Variants in SMIM35 observed in about 807,000 individuals in gnomAD.
SMIM35 encodes the protein small integral membrane protein 35, also known as TMPRSS4 antisense RNA 1 (non-protein coding).
intron 1 of SMIM35, among the ~76,000 whole-genome samples, chr11:118,028,397 T>C (rs2058291465): frequency 6.6e-6 from 1 of 152,156 alleles, no homozygotes; most frequent in African/African-American, 2.4e-5. Context: ...GGGATATAAG[T>C]CCTATGATAT....
chr11:118,004,355 G>T lies in SMIM35; in HGVS notation c.*2055C>A, dbSNP rs2058111660. 2 of 152,290 alleles carry T rather than the reference G, an allele frequency of 1.3e-5. No individual in the cohort carries two copies. Among genetic ancestry groups the T allele is most frequent in the South Asian group, 4.1e-4 (2 of 4,830 alleles). 9.4% of individuals were successfully genotyped at this position (152,290 alleles called of 1,614,324 possible). A position where few individuals can be genotyped will look rare whatever the true frequency, so the allele number is the denominator to read the frequency against. On this transcript the variant is annotated 3_prime_UTR_variant, in exon 5 of 5. Coordinates refer to ENST00000689828, the MANE Select transcript of SMIM35 (RefSeq NM_001394165.1). ...ACAGAGAGAAAGGGACAGACTCAAA[G>T]ACATTTTAAAGGAAGCATTATCAAG...
At chr11:118,019,127 A>G (rs2058206169) in intron 1 of SMIM35, among the ~76,000 whole-genome samples, 1 of 152,192 alleles carries the variant, frequency 6.6e-6, no homozygotes, top group Non-Finnish European at 1.5e-5. Flanking sequence ...ATCTATGTAG[A>G]TATAGAGATA....
chr11:118,028,948 G>C (rs764239197), intron 1 of SMIM35: 13 of 393,498 alleles, frequency 3.3e-5, no homozygotes, highest in Non-Finnish European at 1.0e-5. Flanking sequence ...AGGAGGAGGA[G>C]GAGAAATTCG....
rs1055285151 is a variant in SMIM35 at position 118,013,748 on chromosome 11, C to T, written c.*33G>A. 1 of 399,104 alleles carries T rather than the reference C, an allele frequency of 2.5e-6. No individual in the cohort carries two copies. Among genetic ancestry groups the T allele is most frequent in the Non-Finnish European group, 4.4e-6 (1 of 226,118 alleles). The allele number at this position is 399,104 out of a possible 1,614,324, so 24.7% of individuals were successfully genotyped here. A position where few individuals can be genotyped will look rare whatever the true frequency, so the allele number is the denominator to read the frequency against. On this transcript the variant is annotated splice_region_variant and 3_prime_UTR_variant, in exon 4 of 5. Coordinates refer to ENST00000689828, the MANE Select transcript of SMIM35 (RefSeq NM_001394165.1). The stretch of plus-strand genomic sequence containing the variant: ...GGCAGCTCTCCCAACTCCAACTCAC[C>T]TCCCCAGGGCTTCACAAGTTGCTGT...
chr11:118,076,380 G>T (rs936070027), intron 1 of SMIM35, among the ~76,000 whole-genome samples: 2 of 152,184 alleles, frequency 1.3e-5, no homozygotes, highest in African/African-American at 4.8e-5. Flanking sequence ...CTAGGAGGCG[G>T]AGGTTGCAGT....
rs80180586 is a variant in SMIM35, at chr11:118,048,798, G to A, written c.8-32989C>T. On this transcript the variant is annotated intron_variant, in intron 1 of 4. Transcript: ENST00000689828. ...TAATAGCCAAACAGCAGGCCATCCC[G>A]GAAGAGATGGAGGTGCTTTCTAGAA... 8.0e-3 allele frequency among the ~76,000 whole-genome samples: 1,205 copies of A among 151,504 alleles called. 18 individuals carry two copies. Among genetic ancestry groups the A allele is most frequent in the African/African-American group, 0.027 (1,111 of 41,252 alleles).
At chr11:118,074,225 G>A (rs1484294725) in intron 1 of SMIM35, among the ~76,000 whole-genome samples, 1 of 152,210 alleles carries the variant, frequency 6.6e-6, no homozygotes, top group Non-Finnish European at 1.5e-5. Context: ...AGCTTCAGGA[G>A]TTTCATGATA....
At chr11:118,063,819 G>A (rs1263481897) in intron 1 of SMIM35, among the ~76,000 whole-genome samples, 2 of 152,228 alleles carry the variant, frequency 1.3e-5, no homozygotes, top group Admixed American at 6.5e-5. Flanking sequence ...ACTCGGGAGG[G>A]CATGAAAGCC....
chr11:118,048,369 TG>T (rs774934001), intron 1 of SMIM35, among the ~76,000 whole-genome samples: 69 of 152,152 alleles, frequency 4.5e-4, no homozygotes, highest in Admixed American at 7.9e-4. Context: ...AAAAATTAGC[TG>T]GACCTGCTGG....
At chr11:118,027,306 C>T (rs1312696134) in intron 1 of SMIM35, among the ~76,000 whole-genome samples, 6 of 150,652 alleles carry the variant, frequency 4.0e-5, no homozygotes, top group Non-Finnish European at 7.4e-5. Context: ...GGATTACAGG[C>T]GTGAGCCACC....
chr11:118,079,653 C>A (rs963767786), intron 1 of SMIM35, among the ~76,000 whole-genome samples: 1 of 152,198 alleles, frequency 6.6e-6, no homozygotes, highest in Non-Finnish European at 1.5e-5. Flanking sequence ...CTGACGCTTC[C>A]GGCTGCTCTG....
At chr11:118,038,646 A>G (rs1943947653) in intron 1 of SMIM35, among the ~76,000 whole-genome samples, 1 of 152,032 alleles carries the variant, frequency 6.6e-6, no homozygotes, top group Non-Finnish European at 1.5e-5. Flanking sequence ...TCTGGTAATC[A>G]TGGACCCTTC....
At chr11:118,026,542 AT>A (rs2058275038) in intron 1 of SMIM35, among the ~76,000 whole-genome samples, 1 of 152,222 alleles carries the variant, frequency 6.6e-6, no homozygotes, top group African/African-American at 2.4e-5. Flanking sequence ...GCCAGAATAA[AT>A]TTCTTGCTTG....
intron 1 of SMIM35, among the ~76,000 whole-genome samples, chr11:118,076,832 AG>A (rs375158397): frequency 6.6e-6 from 1 of 151,952 alleles, no homozygotes; most frequent in East Asian, 1.9e-4. Flanking sequence ...AGGTAGGGGG[AG>A]GGGGGGCGGA....
intron 1 of SMIM35, among the ~76,000 whole-genome samples, chr11:118,079,627 A>C (rs1944974256): frequency 6.6e-6 from 1 of 152,160 alleles, no homozygotes; most frequent in Non-Finnish European, 1.5e-5. Flanking sequence ...GGGTGTTAAC[A>C]CCTGAGGTCA....
At chr11:118,044,171 A>G (rs886684520) in intron 1 of SMIM35, among the ~76,000 whole-genome samples, 1 of 152,110 alleles carries the variant, frequency 6.6e-6, no homozygotes, top group African/African-American at 2.4e-5. Context: ...TTTCCTGCAG[A>G]TATGTAACAC....
At chr11:118,024,547 A>G (rs539617721) in intron 1 of SMIM35, among the ~76,000 whole-genome samples, 1 of 151,096 alleles carries the variant, frequency 6.6e-6, no homozygotes, top group Non-Finnish European at 1.5e-5. Context: ...ATCTCGGCTC[A>G]CTGCAACCTC....
At chr11:118,028,098 GT>G (rs766091526) in intron 1 of SMIM35, among the ~76,000 whole-genome samples, 107 of 152,232 alleles carry the variant, frequency 7.0e-4, no homozygotes, top group Non-Finnish European at 1.3e-3. Context: ...ATTGGGCCAA[GT>G]TTACTGATGG....
intron 1 of SMIM35, among the ~76,000 whole-genome samples, chr11:118,074,490 T>C (rs1944622214): frequency 6.6e-6 from 1 of 152,056 alleles, no homozygotes; most frequent in South Asian, 2.1e-4. Flanking sequence ...CTCACACTTG[T>C]AGTCCCAGCA....
Sources: gnomAD v4.1 joint callset for allele counts (sites outside exome capture counted in the v4.1 genomes callset) on GRCh38, gnomAD v4.1.1 for gene constraint, MANE v1.5 for transcripts, NCBI Gene and HGNC (gene_info 2026-07-23, HGNC 2026-07-21) for gene names.